Variants in STK3 observed in about 807,000 individuals in gnomAD.
The protein encoded by STK3 is serine/threonine-protein kinase 3.
A neutral mutation model predicts 58.0 loss-of-function variants in STK3; 41 were observed. The ratio of observed to expected loss-of-function variants is 0.71; its 90% CI spans 0.55 to 0.92. STK3 has a LOEUF of 0.92. Ranked by LOEUF, STK3 falls within the 40% of genes least tolerant of loss-of-function variation. The pLI, the probability that STK3 is intolerant of heterozygous loss-of-function variation, is 0.00. For synonymous variants in STK3, 170 were observed against 191.0 expected (o/e 0.89, Z 0.91); for missense variants, 479 against 602.7 (o/e 0.79, Z 2.15).
At chr8:98,891,168 G>A (rs1423314286) in intron 1 of STK3, among the ~76,000 whole-genome samples, 11 of 152,228 alleles carry the variant, frequency 7.2e-5, no homozygotes, top group Admixed American at 1.3e-4. Flanking sequence ...CACGTGCTGC[G>A]CCTTTTGCAG....
In STK3 at chr8:98,478,441, T is replaced by C. The variant is rs188876250; in HGVS notation, c.1318-22441A>G. Among the ~76,000 whole-genome samples, 473 of 152,210 alleles carry C rather than the reference T, an allele frequency of 3.1e-3. 1 individual carries two copies. Among genetic ancestry groups the C allele is most frequent in the Non-Finnish European group, 5.2e-3 (355 of 68,006 alleles). ...CCGAGCAGAGCAAAGAACTGAAACA[T>C]GCGAGAGGGTTGCTGTGAAGCATTT... is the stretch of plus-strand genomic sequence containing the variant. On this transcript the variant is annotated intron_variant, in intron 10 of 10. Transcript: ENST00000419617.
chr8:98,803,318 A>G (rs1288637468), intron 1 of STK3, among the ~76,000 whole-genome samples: 1 of 152,156 alleles, frequency 6.6e-6, no homozygotes, highest in Admixed American at 6.6e-5. Flanking sequence ...CAGGCCAGGC[A>G]TGGTGGCTCA....
At chr8:98,742,387 C>T (rs201623471) in intron 4 of STK3, among the ~76,000 whole-genome samples, 12,409 of 88,832 alleles carry the variant, frequency 0.14, 1,219 homozygotes, top group East Asian at 0.22. Context: ...TCCACCATGA[C>T]CAAGTGGGAT....
chr8:98,402,646 C>T, intron 3 of STK3, among the ~76,000 whole-genome samples: 1 of 152,198 alleles, frequency 6.6e-6, no homozygotes, highest in South Asian at 2.1e-4. Flanking sequence ...TCTGCCTCCT[C>T]CTCCCAGGGA....
chr8:98,476,455 G>A (rs1821317281), intron 10 of STK3, among the ~76,000 whole-genome samples: 1 of 152,174 alleles, frequency 6.6e-6, no homozygotes, highest in South Asian at 2.1e-4. Context: ...GTCTTAGACG[G>A]CTATGGGTAA....
chr8:98,813,032 C>T (rs2515220), intron 1 of STK3, among the ~76,000 whole-genome samples: 121,277 of 149,428 alleles, frequency 0.81, 49,670 homozygotes, highest in African/African-American at 0.95. Context: ...ACTTAAAGCA[C>T]AATAAAAAAA....
upstream of STK3, chr8:98,388,389 A>G (rs1407937865): frequency 6.6e-6 from 1 of 152,254 alleles, no homozygotes; most frequent in East Asian, 1.9e-4. Flanking sequence ...TGAATGGATC[A>G]TGCTGACAAT....
chr8:98,506,213 G>T (rs973859437), intron 10 of STK3, among the ~76,000 whole-genome samples: 8 of 152,214 alleles, frequency 5.3e-5, no homozygotes. Flanking sequence ...GCCAGGCATG[G>T]GATATAATCT....
chr8:98,534,834 G>C (rs1212086676), intron 9 of STK3, among the ~76,000 whole-genome samples: 1 of 152,096 alleles, frequency 6.6e-6, no homozygotes. Context: ...CATTTTGTAA[G>C]TTTAAAAAAA....
chr8:98,450,229 ACT>A (rs1164624559), downstream of STK3, among the ~76,000 whole-genome samples: 3 of 152,160 alleles, frequency 2.0e-5, no homozygotes, highest in Non-Finnish European at 4.4e-5. Flanking sequence ...GTTCTAGGTG[ACT>A]CTAATTCACT....
chr8:98,577,565 AAG>A (rs1813511759), intron 8 of STK3, among the ~76,000 whole-genome samples: 1 of 152,152 alleles, frequency 6.6e-6, no homozygotes, highest in Admixed American at 6.5e-5. Context: ...TACAACATAA[AAG>A]ACAGTGAGAG....
At chr8:98,676,523 G>A (rs1480097404) in intron 6 of STK3, among the ~76,000 whole-genome samples, 1 of 151,660 alleles carries the variant, frequency 6.6e-6, no homozygotes, top group South Asian at 2.1e-4. Context: ...TGAGGCAGGA[G>A]AATCGCTTGA....
At position 98,670,718 on chromosome 8, in the gene STK3, C is replaced by T. The variant is rs751268584; in HGVS notation, c.684+35749G>A. On this transcript the variant is annotated intron_variant, in intron 6 of 10. Coordinates refer to ENST00000419617, the MANE Select transcript of STK3 (RefSeq NM_006281.4). ...ACTACCTGTGGCCCATGGGCCCCCCCGATCCTGTGCCCATAAAAACCCCAG... is the reference window on the plus strand; with the variant it reads ...ACTACCTGTGGCCCATGGGCCCCCCTGATCCTGTGCCCATAAAAACCCCAG... Among the ~76,000 whole-genome samples the T allele has an allele frequency of 4.6e-5, 7 of 152,294 alleles. No individual in the cohort carries two copies. The South Asian group carries it at 6.2e-4, about 14-fold the overall frequency.
chr8:98,432,400 G>C (rs569384248), intron 3 of STK3: 1 of 167,098 alleles, frequency 6.0e-6, no homozygotes, highest in East Asian at 1.9e-4. Flanking sequence ...GTGCATTTTG[G>C]AAGTGCTGGG....
chr8:98,701,198 G>A (rs1825582412), intron 6 of STK3, among the ~76,000 whole-genome samples: 1 of 140,330 alleles, frequency 7.1e-6, no homozygotes, highest in East Asian at 2.5e-4. Context: ...GGGAGGGAGG[G>A]AGGGAGGGAA....
chr8:98,734,770 C>T (rs1160101205), intron 4 of STK3, among the ~76,000 whole-genome samples: 1 of 151,808 alleles, frequency 6.6e-6, no homozygotes, highest in African/African-American at 2.4e-5. Flanking sequence ...ACCTTCAAAA[C>T]TTACTACCAC....
chr8:98,399,710 T>C (rs1161540989), downstream of STK3, among the ~76,000 whole-genome samples: 3 of 152,148 alleles, frequency 2.0e-5, no homozygotes, highest in East Asian at 5.8e-4. Context: ...CTAAAGAGAA[T>C]GAATTGCCGA....
At chr8:98,517,899 A>T (rs1825054577) in intron 10 of STK3, among the ~76,000 whole-genome samples, 1 of 152,050 alleles carries the variant, frequency 6.6e-6, no homozygotes, top group Non-Finnish European at 1.5e-5. Context: ...AAACATCCAA[A>T]ATTGGGTTAT....
At chr8:98,480,855 C>T (rs1486716761) in intron 10 of STK3, among the ~76,000 whole-genome samples, 1 of 152,140 alleles carries the variant, frequency 6.6e-6, no homozygotes, top group African/African-American at 2.4e-5. Context: ...GTGGGGAAAA[C>T]ACATAGACAT....
Sources: gnomAD v4.1 joint callset for allele counts (sites outside exome capture counted in the v4.1 genomes callset) on GRCh38, gnomAD v4.1.1 for gene constraint, MANE v1.5 for transcripts, NCBI Gene and HGNC (gene_info 2026-07-23, HGNC 2026-07-21) for gene names.